The following SSUH2 variants were observed in gnomAD, a reference collection of about 807,000 sequenced individuals.
SSUH2 encodes ssu-2 homolog.
A neutral mutation model predicts 55.3 loss-of-function variants in SSUH2; 47 were observed. That is an observed-to-expected ratio of 0.85 (90% CI 0.67 to 1.08). The LOEUF (loss-of-function observed/expected upper bound fraction) is 1.08. Among genes scored for constraint, SSUH2 ranks in the 50% least tolerant of loss-of-function variants. SSUH2 has a pLI of 0.00. For synonymous variants in SSUH2, 212 were observed against 191.5 expected (o/e 1.11, Z -0.89); for missense variants, 535 against 490.7 (o/e 1.09, Z -0.85).
intron 1 of SSUH2, among the ~76,000 whole-genome samples, chr3:8,641,449 CA>C (rs141617546): frequency 3.3e-5 from 5 of 152,148 alleles, no homozygotes; most frequent in Non-Finnish European, 7.3e-5. Flanking sequence ...CTGAGAGGAG[CA>C]AATGAGACAA....
At chr3:8,640,118 G>C in intron 1 of SSUH2, 1 of 521,274 alleles carries the variant, frequency 1.9e-6, no homozygotes. Context: ...CAGAATTTCA[G>C]ATTTACAAGG....
At position 8,671,387 on chromosome 3, in the gene SSUH2, C is replaced by T. The variant is rs547156434; in HGVS notation, c.-610-234G>A. Among the ~76,000 whole-genome samples the T allele has an allele frequency of 4.6e-5, 7 of 152,094 alleles. No homozygotes were observed. In the East Asian group the frequency reaches 7.7e-4, roughly 17 times the overall value. On this transcript the variant is annotated intron_variant, in intron 4 of 18. Coordinates refer to the SSUH2 transcript ENST00000317371. ...CACAGAGTGTACACCCTCTGTGATA[C>T]GAGGAGTCACATCTTACAAGGATCA...
At chr3:8,673,623 C>G (rs1352352699) in intron 3 of SSUH2, among the ~76,000 whole-genome samples, 1 of 152,186 alleles carries the variant, frequency 6.6e-6, no homozygotes, top group African/African-American at 2.4e-5. Context: ...GCTCATGTTC[C>G]TCTTTAACAG....
At chr3:8,645,219 G>A (rs1701519371), upstream of SSUH2, among the ~76,000 whole-genome samples, 1 of 152,182 alleles carries the variant, frequency 6.6e-6, no homozygotes. Flanking sequence ...CCCCAAGGGG[G>A]ATATTATATA....
At chr3:8,658,663 G>A (rs1325189442) in intron 7 of SSUH2, among the ~76,000 whole-genome samples, 6 of 152,138 alleles carry the variant, frequency 3.9e-5, no homozygotes, top group Non-Finnish European at 5.9e-5. Context: ...ACAAGCCCCC[G>A]CCAGGCCCCA....
intron 7 of SSUH2, among the ~76,000 whole-genome samples, chr3:8,652,467 CTA>C (rs1702524380): frequency 6.6e-6 from 1 of 152,222 alleles, no homozygotes; most frequent in Admixed American, 6.5e-5. Context: ...AGACTGTCTT[CTA>C]TTCCTGCTGC....
At chr3:8,667,281 G>A (rs554392692) in intron 5 of SSUH2, among the ~76,000 whole-genome samples, 1 of 152,290 alleles carries the variant, frequency 6.6e-6, no homozygotes, top group East Asian at 1.9e-4. Flanking sequence ...GACCATATAG[G>A]TAACTTCTGG....
At position 8,664,075 on chromosome 3, in the gene SSUH2, C is replaced by T. The variant is rs146584778; in HGVS notation, c.-454-273G>A. ...TGCTGACCCAGGTGCCCTGCCAAGT[C>T]CTCTTAGCAGGTCCTGGACCCCCAA... On this transcript the variant is annotated intron_variant, in intron 5 of 18. Transcript: ENST00000317371. 3.7e-3 allele frequency among the ~76,000 whole-genome samples: 570 copies of T among 152,334 alleles called. 4 individuals carry two copies. Among genetic ancestry groups the T allele is most frequent in the Non-Finnish European group, 6.4e-3 (436 of 68,026 alleles).
At chr3:8,649,321 A>G (rs1702116529), upstream of SSUH2, among the ~76,000 whole-genome samples, 1 of 152,088 alleles carries the variant, frequency 6.6e-6, no homozygotes, top group Admixed American at 6.5e-5. Flanking sequence ...TCATTCCCAG[A>G]GCAGGTCCCA....
At chr3:8,681,163 G>T (rs1033812804) in intron 1 of SSUH2, among the ~76,000 whole-genome samples, 4 of 139,718 alleles carry the variant, frequency 2.9e-5, no homozygotes, top group African/African-American at 1.0e-4. Context: ...TCCATAGCAG[G>T]GGGGGGAGTC....
intron 1 of SSUH2, among the ~76,000 whole-genome samples, chr3:8,642,692 T>C (rs1701058872): frequency 6.6e-6 from 1 of 152,168 alleles, no homozygotes; most frequent in Non-Finnish European, 1.5e-5. Flanking sequence ...CTGAAGTCAC[T>C]CATATTATAG....
At chr3:8,632,157 CAG>C (rs757352192) in intron 4 of SSUH2, 48 bp from the exon 5 acceptor site, 1 of 1,516,044 alleles carries the variant, frequency 6.6e-7, no homozygotes, top group Non-Finnish European at 9.2e-7. Flanking sequence ...CTTATGAAGA[CAG>C]AGCATTATGC....
At chr3:8,645,960 T>C (rs1446169220), upstream of SSUH2, among the ~76,000 whole-genome samples, 1 of 152,210 alleles carries the variant, frequency 6.6e-6, no homozygotes, top group Non-Finnish European at 1.5e-5. Context: ...AATCGATTTT[T>C]ATGGCTGGTA....
At chr3:8,677,654 G>A (rs34447491) in intron 2 of SSUH2, among the ~76,000 whole-genome samples, 3 of 151,006 alleles carry the variant, frequency 2.0e-5, no homozygotes, top group East Asian at 2.1e-4. Context: ...GGCTGAGGCC[G>A]GTGGCCTACG....
chr3:8,679,402 C>T lies in SSUH2; in HGVS notation c.-901+303G>A, dbSNP rs1400252799. Among the ~76,000 whole-genome samples the T allele has an allele frequency of 1.2e-4, 16 of 131,562 alleles. 2 individuals are homozygous for T. Among genetic ancestry groups the T allele is most frequent in the African/African-American group, 4.0e-4 (15 of 37,494 alleles). 86.3% of individuals were successfully genotyped at this position (131,562 alleles called of 152,430 possible). Reference sequence around the variant, plus strand: ...TCCCCCAGGAGGAGGGGACTGAGAGCCAGCCCCTCTTCCCCCCCTGGCTCT... The same window carrying T: ...TCCCCCAGGAGGAGGGGACTGAGAGTCAGCCCCTCTTCCCCCCCTGGCTCT... On this transcript the variant is annotated intron_variant, in intron 2 of 18. Transcript: ENST00000317371.
intron 7 of SSUH2, 99 bp from the exon 8 acceptor site, chr3:8,627,882 TC>T (rs1320179135): frequency 1.6e-5 from 16 of 1,024,228 alleles, no homozygotes; most frequent in African/African-American, 3.3e-5. Context: ...GTGACCTTCC[TC>T]CCCCTGGGCC....
intron 7 of SSUH2, among the ~76,000 whole-genome samples, chr3:8,651,272 C>A (rs1008859912): frequency 3.9e-5 from 6 of 152,186 alleles, no homozygotes; most frequent in Non-Finnish European, 1.5e-5. Flanking sequence ...GGGATCCAGC[C>A]CATTGCATCT....
Position 8,680,102 on chromosome 3 carries a change from G to T in SSUH2, c.-1045-253C>A, listed in dbSNP as rs143493219. ...CGTTGTATGCATCAGAGAGAGAAAA[G>T]ATGGCAGCTGGACTTTTAACCCAAA... On this transcript the variant is annotated intron_variant, in intron 1 of 18. Transcript: ENST00000317371. Among the ~76,000 whole-genome samples the T allele has an allele frequency of 5.9e-3, 893 of 152,304 alleles. 11 individuals carry two copies. Among genetic ancestry groups the T allele is most frequent in the African/African-American group, 0.021 (855 of 41,576 alleles).
rs137978829 is a variant in SSUH2 at position 8,633,696 on chromosome 3, G to C, written c.309C>G (p.Ile103Met). 2.3e-4 allele frequency: 348 copies of C among 1,535,640 alleles called. No homozygotes were observed. In the African/African-American group the frequency reaches 4.2e-3, roughly 19 times the overall value. ...AGAGGGTCTGCCGCTTCAGCTCCTG[G>C]ATGACGAGGTCTCCAGCCACCGTGC... ...YSSTVAGDLVIQELKRQTLCR... is the reference protein window; with the variant it reads ...YSSTVAGDLVMQELKRQTLCR... Residue 103 changes from isoleucine to methionine, a missense_variant, in exon 4 of 12, where the codon ATC becomes ATG. By Grantham distance (10) the Ile-to-Met change is conservative. Transcript: ENST00000544814.
Sources: gnomAD v4.1 joint callset for allele counts (sites outside exome capture counted in the v4.1 genomes callset) on GRCh38, gnomAD v4.1.1 for gene constraint, MANE v1.5 for transcripts, NCBI Gene and HGNC (gene_info 2026-07-23, HGNC 2026-07-21) for gene names.